The following ZNF407 variants were observed in gnomAD, a reference collection of about 807,000 sequenced individuals.
ZNF407 encodes the protein zinc finger protein 407.
In ZNF407, 17 loss-of-function variants were observed where a neutral mutation model predicts 131.2. The ratio of observed to expected loss-of-function variants is 0.13; its 90% CI spans 0.09 to 0.19. ZNF407 has a LOEUF of 0.19. Ranked by LOEUF, ZNF407 falls within the 10% of genes least tolerant of loss-of-function variation. The pLI is 1.00. For missense variants in ZNF407, 2,681 were observed against 2,830.6 expected (o/e 0.95, Z 1.20); for synonymous variants, 1,156 against 1,062.0 (o/e 1.09, Z -1.72).
chr18:75,002,722 G>A (rs553438096), intron 8 of ZNF407, among the ~76,000 whole-genome samples: 69 of 151,546 alleles, frequency 4.6e-4, no homozygotes, highest in South Asian at 1.5e-3. Context: ...GGAGAATGGC[G>A]TGAACCCGGG....
At chr18:74,759,592 C>T (rs976186127) in intron 3 of ZNF407, among the ~76,000 whole-genome samples, 1 of 151,824 alleles carries the variant, frequency 6.6e-6, no homozygotes, top group Admixed American at 6.6e-5. Flanking sequence ...TCAGAAAGAC[C>T]TTGCTGTATT....
intron 1 of ZNF407, among the ~76,000 whole-genome samples, chr18:74,608,560 G>A (rs923799331): frequency 2.5e-4 from 38 of 152,014 alleles, no homozygotes; most frequent in Non-Finnish European, 2.6e-4. Context: ...TTGGCCAGGC[G>A]GGTCTTGAAC....
At chr18:74,779,394 G>A (rs542996313) in intron 3 of ZNF407, among the ~76,000 whole-genome samples, 6 of 151,902 alleles carry the variant, frequency 3.9e-5, no homozygotes, top group South Asian at 2.1e-4. Context: ...GATTACAGGC[G>A]TGAGCCACCG....
At position 75,065,075 on chromosome 18, in the gene ZNF407, A is replaced by G. The variant is rs1403395987; in HGVS notation, c.*607A>G. On this transcript the variant is annotated 3_prime_UTR_variant, in exon 9 of 9. Coordinates refer to ENST00000299687, the MANE Select transcript of ZNF407 (RefSeq NM_017757.3). ...GCCTGCTAGCTCATTTCATGTATAA[A>G]TTTCCCATCTTCAAACAGTTTAGGT... The G allele has an allele frequency of 6.6e-6, 1 of 152,420 alleles. No homozygotes were observed. Among genetic ancestry groups the G allele is most frequent in the Non-Finnish European group, 1.5e-5 (1 of 68,010 alleles). 9.4% of individuals were successfully genotyped at this position (152,420 alleles called of 1,614,324 possible).
At chr18:74,952,421 G>T (rs1972225345) in intron 8 of ZNF407, among the ~76,000 whole-genome samples, 1 of 152,184 alleles carries the variant, frequency 6.6e-6, no homozygotes, top group Non-Finnish European at 1.5e-5. Flanking sequence ...TTACCCACCT[G>T]TTTACTGCCA....
chr18:74,874,186 G>A (rs576992201), intron 4 of ZNF407, among the ~76,000 whole-genome samples: 11 of 152,086 alleles, frequency 7.2e-5, no homozygotes, highest in Non-Finnish European at 1.2e-4. Flanking sequence ...TTTCTGGGCC[G>A]TAAGAACATG....
In ZNF407 at chr18:74,920,603, A is replaced by G; in HGVS notation, c.5339A>G (p.Tyr1780Cys). ...ATGTACAACTGTCCCAAGTGTGACT[A>G]CGGGACCAACGTCCCGGTGGAGTTC... Reference protein sequence around the residue: ...VKMYNCPKCDYGTNVPVEFRN... With the variant: ...VKMYNCPKCDCGTNVPVEFRN... The change falls in exon 8 of 9, where the codon TAC (tyrosine) becomes TGC (cysteine). Residue 1780 changes from tyrosine to cysteine, a missense_variant. Coordinates refer to ENST00000299687, the MANE Select transcript of ZNF407 (RefSeq NM_017757.3). 6.2e-7 allele frequency: 1 copy of G among 1,611,196 alleles called. No individual in the cohort carries two copies. Among genetic ancestry groups the G allele is most frequent in the Non-Finnish European group, 8.5e-7 (1 of 1,177,728 alleles).
intron 4 of ZNF407, among the ~76,000 whole-genome samples, chr18:74,864,353 T>C (rs1970980902): frequency 6.6e-6 from 1 of 152,202 alleles, no homozygotes; most frequent in African/African-American, 2.4e-5. Context: ...TAATTTATTC[T>C]AACTCGACTG....
intron 8 of ZNF407, among the ~76,000 whole-genome samples, chr18:75,053,993 CAG>C (rs1279108161): frequency 6.6e-6 from 1 of 152,242 alleles, no homozygotes; most frequent in African/African-American, 2.4e-5. Flanking sequence ...TTCCTGGACT[CAG>C]GGATTTCTGC....
chr18:75,011,648 A>G (rs970316193), intron 8 of ZNF407, among the ~76,000 whole-genome samples: 5 of 152,180 alleles, frequency 3.3e-5, no homozygotes. Flanking sequence ...TTTTTGTTGA[A>G]CAAAAGAATG....
At chr18:74,786,791 A>AGGTTTTTT (rs1969722911) in intron 4 of ZNF407, among the ~76,000 whole-genome samples, 2 of 77,696 alleles carry the variant, frequency 2.6e-5, no homozygotes, top group South Asian at 4.7e-4. Flanking sequence ...GTAAAAAAGT[A>AGGTTTTTT]TGTTTTTTTT....
At position 75,065,494 on chromosome 18, in the gene ZNF407, G is replaced by T. The variant is rs529064100; in HGVS notation, c.*1026G>T. 2 of 152,252 alleles carry T rather than the reference G, an allele frequency of 1.3e-5. No homozygotes were observed. The highest frequency in any genetic ancestry group is 2.9e-5 in the Non-Finnish European group (2 of 68,038). The allele number at this position is 152,252 out of a possible 1,614,324, so 9.4% of individuals were successfully genotyped here. ...CCTGCTGTGGCCACCAGCATGGTCTGTGTCCTCGTGGATTCACTGCAGCTG... is the reference window on the plus strand; with the variant it reads ...CCTGCTGTGGCCACCAGCATGGTCTTTGTCCTCGTGGATTCACTGCAGCTG... On this transcript the variant is annotated 3_prime_UTR_variant, in exon 9 of 9. Coordinates refer to ENST00000299687, the MANE Select transcript of ZNF407 (RefSeq NM_017757.3).
chr18:74,616,956 T>C (rs1983325130), intron 1 of ZNF407, among the ~76,000 whole-genome samples: 7 of 35,190 alleles, frequency 2.0e-4, no homozygotes, highest in Admixed American at 4.3e-4. Context: ...ACCACACGCA[T>C]CCATATCCAC....
chr18:75,047,304 T>G (rs1465115359), intron 8 of ZNF407, among the ~76,000 whole-genome samples: 1 of 152,136 alleles, frequency 6.6e-6, no homozygotes. Flanking sequence ...AAGGAAGGCA[T>G]AGAAAACAGA....
intron 4 of ZNF407, among the ~76,000 whole-genome samples, chr18:74,788,418 T>C (rs1161712168): frequency 6.6e-6 from 1 of 152,156 alleles, no homozygotes; most frequent in African/African-American, 2.4e-5. Flanking sequence ...TTCTGTGTAG[T>C]GGTCCAGTGG....
chr18:74,827,802 G>C (rs1423719839), intron 4 of ZNF407, among the ~76,000 whole-genome samples: 2 of 152,174 alleles, frequency 1.3e-5, no homozygotes, highest in Non-Finnish European at 2.9e-5. Flanking sequence ...GTATTTCTAA[G>C]TCTGTCTTAA....
intron 8 of ZNF407, among the ~76,000 whole-genome samples, chr18:74,941,514 AAC>A (rs1179053295): frequency 6.6e-6 from 1 of 152,218 alleles, no homozygotes; most frequent in Non-Finnish European, 1.5e-5. Flanking sequence ...AAAAAGCAAA[AAC>A]ACATACACAA....
At position 74,677,384 on chromosome 18, in the gene ZNF407, C is replaced by T. The variant is rs533434825; in HGVS notation, c.4802+36262C>T. On this transcript the variant is annotated intron_variant, in intron 3 of 8. Transcript: ENST00000299687. ...GGGATTACAGGCTTGAGCCGCCCTA[C>T]GGGGTCATCTTTTAATTTATTCTAA... 1.6e-4 allele frequency among the ~76,000 whole-genome samples: 24 copies of T among 152,290 alleles called. No individual in the cohort carries two copies. In the East Asian group the frequency reaches 2.9e-3, roughly 18 times the overall value.
intron 8 of ZNF407, among the ~76,000 whole-genome samples, chr18:74,982,080 T>C (rs1032666434): frequency 2.6e-5 from 4 of 152,236 alleles, no homozygotes; most frequent in African/African-American, 9.6e-5. Context: ...GAGCTACCAA[T>C]ACAGCAGGAC....
Sources: allele counts gnomAD v4.1 joint callset (sites outside exome capture counted in the v4.1 genomes callset), GRCh38; gene constraint gnomAD v4.1.1; transcripts MANE v1.5; gene names NCBI Gene and HGNC (gene_info 2026-07-23, HGNC 2026-07-21).